Variants in TAB2 observed in about 807,000 individuals in gnomAD.
TAB2 encodes TGF-beta activated kinase 1 (MAP3K7) binding protein 2, also known as TGF-beta-activated kinase 1 and MAP3K7-binding protein 2.
TAB2 carries 3 observed loss-of-function variants against 65.0 expected under a neutral mutation model. The observed-to-expected ratio is 0.05, with a 90% CI of 0.02 to 0.12. The LOEUF (loss-of-function observed/expected upper bound fraction) is 0.12. Ranked by LOEUF, TAB2 falls within the 10% of genes least tolerant of loss-of-function variation. The pLI, the probability that TAB2 is intolerant of heterozygous loss-of-function variation, is 1.00. For synonymous variants in TAB2, 298 were observed against 285.1 expected, an observed-to-expected ratio of 1.05 and a Z score of -0.46; for missense variants, 623 against 840.3, an observed-to-expected ratio of 0.74 and a Z score of 3.20.
intron 1 of TAB2, among the ~76,000 whole-genome samples, chr6:149,280,827 G>A (rs1301247301): frequency 5.9e-5 from 9 of 151,384 alleles, no homozygotes; most frequent in Non-Finnish European, 1.2e-4. Flanking sequence ...AGCTACTTGA[G>A]AAGCTGAGGC....
intron 1 of TAB2, among the ~76,000 whole-genome samples, 197 bp from the exon 2 acceptor site, chr6:149,369,708 TAGAC>T (rs1272056380): frequency 2.6e-5 from 4 of 152,208 alleles, no homozygotes; most frequent in South Asian, 4.1e-4. Context: ...ACATAAGAGT[TAGAC>T]AGTATGAAAG....
rs1418866228 is a variant in TAB2 at position 149,262,958 on chromosome 6, T to G, written c.-121+44182T>G. ...AGCTGAGACTATGGGCACACACCAT[T>G]GTGCCCAGCTAATTTTTTTTATTTT... On this transcript the variant is annotated intron_variant, in intron 1 of 1. Transcript: ENST00000606202. 3.9e-5 allele frequency among the ~76,000 whole-genome samples: 6 copies of G among 152,134 alleles called. No individual in the cohort carries two copies. The East Asian group carries it at 1.2e-3, about 29-fold the overall frequency.
In TAB2 at chr6:149,409,729, C is replaced by T. The variant is rs755917762; in HGVS notation, c.*10C>T. On this transcript the variant is annotated 3_prime_UTR_variant, in exon 7 of 7. Coordinates refer to ENST00000637181, the MANE Select transcript of TAB2 (RefSeq NM_001292034.3). ...GCCAAGGCATTTCTGAGCCAAATGG[C>T]CCTGTATCTTCTCTAAAACCACATC... The T allele has an allele frequency of 1.9e-6, 3 of 1,613,978 alleles. No homozygotes were observed.
chr6:149,231,907 C>T (rs928170337), intron 1 of TAB2, among the ~76,000 whole-genome samples: 4 of 152,082 alleles, frequency 2.6e-5, no homozygotes, highest in African/African-American at 7.2e-5. Context: ...TACAGAGTAT[C>T]GGAGAGCAGG....
At chr6:149,356,594 G>A (rs557898231) in intron 1 of TAB2, among the ~76,000 whole-genome samples, 7 of 152,186 alleles carry the variant, frequency 4.6e-5, no homozygotes, top group Admixed American at 6.5e-5. Flanking sequence ...CAGCTCCCTC[G>A]GGCCTCTTTT....
At chr6:149,313,717 C>G (rs1038613238), upstream of TAB2, among the ~76,000 whole-genome samples, 1 of 152,176 alleles carries the variant, frequency 6.6e-6, no homozygotes, top group Non-Finnish European at 1.5e-5. Context: ...TCATCTTTAA[C>G]TCTTACTTCT....
At chr6:149,247,095 G>C (rs13203475) in intron 1 of TAB2, 1 of 151,926 alleles carries the variant, frequency 6.6e-6, no homozygotes, top group East Asian at 2.0e-4. Context: ...CCCTCTTCCC[G>C]ACAACCCCCA....
At chr6:149,277,097 G>A (rs6912567) in intron 1 of TAB2, among the ~76,000 whole-genome samples, 81,248 of 152,084 alleles carry the variant, frequency 0.53, 24,572 homozygotes, top group African/African-American at 0.83. Flanking sequence ...GCCTTCTACC[G>A]TGATTGTCAG....
At chr6:149,296,501 T>A (rs1778879218) in intron 1 of TAB2, among the ~76,000 whole-genome samples, 1 of 152,246 alleles carries the variant, frequency 6.6e-6, no homozygotes. Context: ...TCTTGTCATC[T>A]CTTCAATATT....
Position 149,379,444 on chromosome 6 carries a change from C to CATT in TAB2, c.1531_1533dup (p.Leu511dup). 6.2e-7 allele frequency: 1 copy of CATT among 1,614,090 alleles called. No homozygotes were observed. Among genetic ancestry groups the CATT allele is most frequent in the Non-Finnish European group, 8.5e-7 (1 of 1,180,004 alleles). The stretch of plus-strand genomic sequence containing the variant: ...AATATTCAGCACCTCACGGACCCTA[C>CATT]ATTAGCACATGTGGATAGAATAAGT... On this transcript the variant is annotated inframe_insertion, in exon 3 of 7. Coordinates refer to ENST00000637181, the MANE Select transcript of TAB2 (RefSeq NM_001292034.3).
At chr6:149,226,883 C>T (rs1216989440) in intron 1 of TAB2, among the ~76,000 whole-genome samples, 3 of 152,192 alleles carry the variant, frequency 2.0e-5, no homozygotes, top group South Asian at 2.1e-4. Flanking sequence ...TACAAATCAA[C>T]GAAGTGTTTA....
intron 6 of TAB2, among the ~76,000 whole-genome samples, chr6:149,404,271 T>C (rs1167154295): frequency 6.6e-6 from 1 of 152,076 alleles, no homozygotes; most frequent in Non-Finnish European, 1.5e-5. Flanking sequence ...TATAAAACAT[T>C]GATGAAGGAA....
At chr6:149,290,553 T>G (rs1778757400) in intron 1 of TAB2, among the ~76,000 whole-genome samples, 1 of 152,118 alleles carries the variant, frequency 6.6e-6, no homozygotes, top group Admixed American at 6.6e-5. Flanking sequence ...GAAGAGTGTG[T>G]GGTATTTAGG....
intron 1 of TAB2, among the ~76,000 whole-genome samples, chr6:149,332,896 T>G (rs1232739082): frequency 1.3e-5 from 2 of 152,228 alleles, no homozygotes; most frequent in African/African-American, 4.8e-5. Flanking sequence ...TGGAAAATTT[T>G]TTAAATGCCA....
At chr6:149,404,313 GC>G (rs1782588931) in intron 6 of TAB2, among the ~76,000 whole-genome samples, 1 of 152,054 alleles carries the variant, frequency 6.6e-6, no homozygotes, top group Non-Finnish European at 1.5e-5. Context: ...TAGAAACGTA[GC>G]CTGTGTTTAT....
chr6:149,272,621 C>A (rs892825873), intron 1 of TAB2, among the ~76,000 whole-genome samples: 2 of 152,196 alleles, frequency 1.3e-5, no homozygotes, highest in African/African-American at 2.4e-5. Context: ...CCACCCAAAT[C>A]ATCCAGGATA....
intron 1 of TAB2, among the ~76,000 whole-genome samples, chr6:149,241,831 G>A (rs1013130985): frequency 3.9e-5 from 6 of 152,104 alleles, no homozygotes; most frequent in Admixed American, 6.6e-5. Context: ...GAACACATAC[G>A]AGTAGAAAGT....
intron 1 of TAB2, among the ~76,000 whole-genome samples, chr6:149,322,171 GA>G (rs1779477353): frequency 6.6e-6 from 1 of 152,076 alleles, no homozygotes; most frequent in African/African-American, 2.4e-5. Context: ...CCGTATTGAA[GA>G]ACAGACAAAA....
At chr6:149,399,580 C>G (rs746932012) in intron 6 of TAB2, among the ~76,000 whole-genome samples, 3 of 149,912 alleles carry the variant, frequency 2.0e-5, no homozygotes, top group African/African-American at 7.3e-5. Flanking sequence ...TTTAAGTAAT[C>G]AAAATACCCT....
Sources: gnomAD v4.1 joint callset for allele counts (sites outside exome capture counted in the v4.1 genomes callset) on GRCh38, gnomAD v4.1.1 for gene constraint, MANE v1.5 for transcripts, NCBI Gene and HGNC (gene_info 2026-07-23, HGNC 2026-07-21) for gene names.